Variants in FOXP2 observed in about 807,000 individuals in gnomAD.
The protein encoded by FOXP2 is forkhead box protein P2.
FOXP2 carries 12 observed loss-of-function variants against 115.8 expected under a neutral mutation model. The ratio of observed to expected loss-of-function variants is 0.10; its 90% CI spans 0.07 to 0.17. FOXP2 has a LOEUF of 0.17. Among genes scored for constraint, FOXP2 ranks in the 10% least tolerant of loss-of-function variants. The pLI is 1.00. For missense variants in FOXP2, 629 were observed against 843.5 expected (o/e 0.75, Z 3.15); for synonymous variants, 328 against 297.7 (o/e 1.10, Z -1.05).
intron 2 of FOXP2, among the ~76,000 whole-genome samples, chr7:114,445,178 T>TA (rs1179042199): frequency 6.6e-6 from 1 of 152,182 alleles, no homozygotes; most frequent in African/African-American, 2.4e-5. Context: ...GGGGATCAGA[T>TA]ACTATTTATC....
In FOXP2 at chr7:114,693,195, C is replaced by A. The variant is rs1295483245; in HGVS notation, c.*3269C>A. The A allele has an allele frequency of 2.2e-6, 1 of 452,682 alleles. No individual in the cohort carries two copies. Among genetic ancestry groups the A allele is most frequent in the African/African-American group, 2.0e-5 (1 of 49,908 alleles). The allele number at this position is 452,682 out of a possible 1,614,324, so 28.0% of individuals were successfully genotyped here. A position where few individuals can be genotyped will look rare whatever the true frequency, so the allele number is the denominator to read the frequency against. On this transcript the variant is annotated 3_prime_UTR_variant, in exon 17 of 17. Coordinates refer to ENST00000350908, the MANE Select transcript of FOXP2 (RefSeq NM_014491.4). ...ATGTTACAAGTATTTGGTAGAATTA[C>A]CACTAACTGGGTTTTCTTTAGATAA...
chr7:114,181,277 A>AATAT (rs143721093), intron 1 of FOXP2, among the ~76,000 whole-genome samples: 2,796 of 146,040 alleles, frequency 0.019, 147 homozygotes, highest in Admixed American at 0.12. Context: ...CTAATAAATT[A>AATAT]ATATATATAT....
intron 2 of FOXP2, among the ~76,000 whole-genome samples, chr7:114,446,549 T>C (rs1478707681): frequency 1.3e-5 from 2 of 151,948 alleles, no homozygotes; most frequent in Non-Finnish European, 2.9e-5. Context: ...AAAAGCTGAT[T>C]TATATATAAT....
intron 3 of FOXP2, among the ~76,000 whole-genome samples, chr7:114,595,261 A>G (rs192954764): frequency 4.2e-4 from 64 of 152,096 alleles, no homozygotes; most frequent in Non-Finnish European, 4.7e-4. Context: ...TTAACTTCCC[A>G]TGTTATATAA....
intron 2 of FOXP2, among the ~76,000 whole-genome samples, chr7:114,458,281 C>A (rs149600789): frequency 2.0e-3 from 303 of 151,940 alleles, no homozygotes; most frequent in Non-Finnish European, 3.1e-3. Flanking sequence ...ATATCGATAA[C>A]CTTATTACTT....
chr7:114,416,920 AAAAT>A (rs1562913175), intron 1 of FOXP2, among the ~76,000 whole-genome samples: 1 of 151,948 alleles, frequency 6.6e-6, no homozygotes, highest in Non-Finnish European at 1.5e-5. Context: ...AAACCCATGT[AAAAT>A]TTCACAGAAT....
intron 1 of FOXP2, among the ~76,000 whole-genome samples, chr7:114,216,423 G>T (rs1378601479): frequency 2.0e-5 from 3 of 152,096 alleles, no homozygotes; most frequent in African/African-American, 7.2e-5. Context: ...ACACTGAACT[G>T]ATCTAATACA....
At chr7:114,398,865 C>T (rs1425024931) in intron 2 of FOXP2, among the ~76,000 whole-genome samples, 7 of 152,174 alleles carry the variant, frequency 4.6e-5, no homozygotes, top group Non-Finnish European at 8.8e-5. Context: ...TATCTCTAAG[C>T]TGTTGTGAAT....
chr7:114,371,622 A>T (rs1463455945), intron 2 of FOXP2, among the ~76,000 whole-genome samples: 2 of 152,110 alleles, frequency 1.3e-5, no homozygotes, highest in East Asian at 1.9e-4. Context: ...ATAGTCAAAG[A>T]TGTTCGATTA....
intron 2 of FOXP2, among the ~76,000 whole-genome samples, chr7:114,396,134 A>G (rs1792731462): frequency 6.6e-6 from 1 of 151,616 alleles, no homozygotes; most frequent in Admixed American, 6.6e-5. Context: ...TTTTGTACCC[A>G]TTAACTATCT....
At chr7:114,251,296 A>G (rs963645577) in intron 1 of FOXP2, among the ~76,000 whole-genome samples, 2 of 152,174 alleles carry the variant, frequency 1.3e-5, no homozygotes, top group Non-Finnish European at 2.9e-5. Context: ...TTTTGGTTCC[A>G]TATGAACTTT....
At chr7:114,506,010 T>G (rs1797800340) in intron 2 of FOXP2, among the ~76,000 whole-genome samples, 1 of 151,456 alleles carries the variant, frequency 6.6e-6, no homozygotes, top group Non-Finnish European at 1.5e-5. Flanking sequence ...CCTTTTTATC[T>G]TTTCTACTTC....
chr7:114,477,479 T>G (rs1796329159), intron 2 of FOXP2, among the ~76,000 whole-genome samples: 1 of 151,748 alleles, frequency 6.6e-6, no homozygotes, highest in Non-Finnish European at 1.5e-5. Context: ...ATACAGACAC[T>G]GGGGACTACT....
In FOXP2 at chr7:114,629,815, A is replaced by G; in HGVS notation, c.407A>G (p.Gln136Arg). ...QAVMLQQQQL[Q>R]EFYKKQQEQL... ...AAATGGTTTATTCAGCAACAACTAC[A>G]AGAGTTTTACAAGAAACAGCAAGAG... Residue 136 changes from glutamine (Q) to arginine (R), a missense_variant, in exon 5 of 17, where the codon CAA (glutamine) becomes CGA (arginine). Coordinates refer to ENST00000350908, the MANE Select transcript of FOXP2 (RefSeq NM_014491.4). The G allele has an allele frequency of 1.2e-6, 2 of 1,613,924 alleles. No homozygotes were observed. Among genetic ancestry groups the G allele is most frequent in the Non-Finnish European group, 1.7e-6 (2 of 1,179,936 alleles).
intron 1 of FOXP2, among the ~76,000 whole-genome samples, chr7:114,242,994 T>G (rs1315967504): frequency 6.6e-6 from 1 of 152,150 alleles, no homozygotes; most frequent in African/African-American, 2.4e-5. Flanking sequence ...CCTGTGTTAT[T>G]CAGATTCAGA....
chr7:114,527,089 A>G (rs1280376531), intron 2 of FOXP2, among the ~76,000 whole-genome samples: 1 of 127,494 alleles, frequency 7.8e-6, no homozygotes, highest in Non-Finnish European at 1.7e-5. Flanking sequence ...GACTTTTTTT[A>G]TTTAGCATAA....
intron 2 of FOXP2, among the ~76,000 whole-genome samples, chr7:114,474,778 T>C (rs1796185336): frequency 6.6e-6 from 1 of 152,150 alleles, no homozygotes; most frequent in African/African-American, 2.4e-5. Flanking sequence ...TATTTATATC[T>C]ACTTTTTCCA....
At chr7:114,602,298 G>A (rs1309617643) in intron 3 of FOXP2, among the ~76,000 whole-genome samples, 1 of 151,830 alleles carries the variant, frequency 6.6e-6, no homozygotes, top group Non-Finnish European at 1.5e-5. Context: ...AGCTACACCA[G>A]CTGTCTTTTG....
chr7:114,126,316 T>C (rs1185938252), intron 1 of FOXP2, among the ~76,000 whole-genome samples: 1 of 152,096 alleles, frequency 6.6e-6, no homozygotes, highest in Non-Finnish European at 1.5e-5. Flanking sequence ...CAGTATGAAC[T>C]TATGTATGCA....
Sources: gnomAD v4.1 joint callset for allele counts (sites outside exome capture counted in the v4.1 genomes callset) on GRCh38, gnomAD v4.1.1 for gene constraint, MANE v1.5 for transcripts, NCBI Gene and HGNC (gene_info 2026-07-23, HGNC 2026-07-21) for gene names.